The following EP300 variants were observed in gnomAD, a reference collection of about 807,000 sequenced individuals.
EP300 encodes the protein EP300 lysine acetyltransferase, also known as histone acetyltransferase p300.
A neutral mutation model predicts 264.0 loss-of-function variants in EP300; 31 were observed. The ratio of observed to expected loss-of-function variants is 0.12; its 90% confidence interval spans 0.09 to 0.16. The LOEUF is 0.16. EP300 is among the 10% of genes least tolerant of loss of function. EP300 has a pLI of 1.00. For synonymous variants in EP300, 1,340 were observed against 1,045.4 expected, an observed-to-expected ratio of 1.28 and a Z score of -5.44; for missense variants, 2,766 against 3,052.9, an observed-to-expected ratio of 0.91 and a Z score of 2.21.
intron 8 of EP300, among the ~76,000 whole-genome samples, chr22:41,139,717 C>A (rs1237653756): frequency 6.6e-6 from 1 of 152,074 alleles, no homozygotes; most frequent in Non-Finnish European, 1.5e-5. Context: ...TTTTTATAAG[C>A]CTTTGTCAGA....
intron 4 of EP300, 114 bp downstream of exon 4, chr22:41,127,862 G>T (rs2058892063): frequency 7.4e-7 from 1 of 1,354,374 alleles, no homozygotes; most frequent in Non-Finnish European, 1.0e-6. Flanking sequence ...CTTAATTGTG[G>T]TGATGGTGTC....
At position 41,178,815 on chromosome 22, in the gene EP300, C is replaced by G. The variant is rs1283783047; in HGVS notation, c.7104C>G (p.Asp2368Glu). Residue 2368 changes from aspartate to glutamate, a missense_variant, in exon 31 of 31, where the codon GAC becomes GAG. Transcript: ENST00000263253. ...AACAAGGGCATTTTGCCAGCCCGGA[C>G]CAGAATTCAATGCTTTCTCAGCTTG... is the stretch of plus-strand genomic sequence containing the variant. The part of the protein sequence containing the change: ...PMEQGHFASP[D>E]QNSMLSQLAS... The G allele has an allele frequency of 2.3e-5, 37 of 1,614,174 alleles. No individual in the cohort carries two copies. The highest frequency in any genetic ancestry group is 3.1e-5 in the Non-Finnish European group (37 of 1,180,036).
At chr22:41,128,300 A>G (rs1356121934) in intron 4 of EP300, among the ~76,000 whole-genome samples, 1 of 152,094 alleles carries the variant, frequency 6.6e-6, no homozygotes, top group Non-Finnish European at 1.5e-5. Context: ...ACAAAAAAAT[A>G]CTAAAGAAAA....
chr22:41,175,771 T>C (rs1383284208), intron 29 of EP300, among the ~76,000 whole-genome samples: 1 of 152,264 alleles, frequency 6.6e-6, no homozygotes, highest in East Asian at 1.9e-4. Flanking sequence ...ACCCAGACCA[T>C]TGTTACTCTG....
rs1160588664 is a variant in EP300, at chr22:41,178,840, G to A, written c.7129G>A (p.Ala2377Thr). The stretch of plus-strand genomic sequence containing the variant: ...CCAGAATTCAATGCTTTCTCAGCTT[G>A]CTAGCAATCCAGGCATGGCAAACCT... ...PDQNSMLSQL[A>T]SNPGMANLHG... The change falls in exon 31 of 31, where the codon GCT (alanine) becomes ACT (threonine). Residue 2377 changes from alanine to threonine, a missense_variant. By Grantham distance (58) the Ala-to-Thr change is moderately conservative. Transcript: ENST00000263253. 1 of 1,614,180 alleles carries A rather than the reference G, an allele frequency of 6.2e-7. No homozygotes were observed. The highest frequency in any genetic ancestry group is 1.7e-5 in the Admixed American group (1 of 60,022).
In EP300 at chr22:41,179,077, A is replaced by G. The variant is rs2059223582; in HGVS notation, c.*121A>G. The G allele has an allele frequency of 1.8e-6, 2 of 1,138,486 alleles. No homozygotes were observed. Among genetic ancestry groups the G allele is most frequent in the Admixed American group, 2.1e-5 (1 of 46,598 alleles). 70.5% of individuals were successfully genotyped at this position (1,138,486 alleles called of 1,614,324 possible). ...AAGACAATTTTCCTTGGAACACATA[A>G]GAACTGTGCAGTAGCCGTTTGTGGT... On this transcript the variant is annotated 3_prime_UTR_variant, in exon 31 of 31. Transcript: ENST00000263253.
At chr22:41,135,135 C>G (rs888081181) in intron 6 of EP300, among the ~76,000 whole-genome samples, 2 of 152,080 alleles carry the variant, frequency 1.3e-5, no homozygotes, top group Non-Finnish European at 1.5e-5. Context: ...CTGCTGACTT[C>G]GTGATCCGCC....
chr22:41,155,226 GA>G, intron 17 of EP300, 113 bp downstream of exon 17: 1 of 951,812 alleles, frequency 1.1e-6, no homozygotes. Context: ...GTAATTCAGT[GA>G]TTTTTTTTTT....
Position 41,155,013 on chromosome 22 carries a change from T to C in EP300, c.3161T>C (p.Leu1054Pro). Residue 1054 changes from leucine (L) to proline (P), a missense_variant, in exon 17 of 31, where the codon CTA becomes CCA. Coordinates refer to ENST00000263253, the MANE Select transcript of EP300 (RefSeq NM_001429.4). ...TTTTAAGTTTTCAAACCAGAAGAAC[T>C]ACGACAGGCACTGATGCCAACTTTG... is the stretch of plus-strand genomic sequence containing the variant. ...SKKKIFKPEE[L>P]RQALMPTLEA... 6.2e-7 allele frequency: 1 copy of C among 1,613,230 alleles called. No homozygotes were observed. Among genetic ancestry groups the C allele is most frequent in the Non-Finnish European group, 8.5e-7 (1 of 1,179,200 alleles).
Position 41,178,754 on chromosome 22 carries a change from A to G in EP300, c.7043A>G (p.His2348Arg), listed in dbSNP as rs1414772517. ...HHVSPQTSSP[H>R]PGLVAAQANP... is the part of the protein sequence containing the mutation. Reference sequence around the variant, plus strand: ...GTTTCCCCACAGACAAGTTCCCCACATCCTGGACTGGTAGCTGCCCAGGCC... The same window carrying G: ...GTTTCCCCACAGACAAGTTCCCCACGTCCTGGACTGGTAGCTGCCCAGGCC... Residue 2348 changes from histidine (H) to arginine (R), a missense_variant, in exon 31 of 31, where the codon CAT becomes CGT. Coordinates refer to ENST00000263253, the MANE Select transcript of EP300 (RefSeq NM_001429.4). The G allele has an allele frequency of 1.9e-6, 3 of 1,614,044 alleles. No homozygotes were observed. The highest frequency in any genetic ancestry group is 4.5e-5 in the East Asian group (2 of 44,866).
chr22:41,155,754 T>C (rs1001955100), intron 17 of EP300, among the ~76,000 whole-genome samples: 2 of 152,242 alleles, frequency 1.3e-5, no homozygotes, highest in African/African-American at 4.8e-5. Flanking sequence ...AGGACGTTCC[T>C]TAGCATAATG....
Position 41,136,457 on chromosome 22 carries a change from C to T in EP300, c.1622+551C>T, listed in dbSNP as rs1185991973. Among the ~76,000 whole-genome samples, 6 of 152,170 alleles carry T rather than the reference C, an allele frequency of 3.9e-5. No individual in the cohort carries two copies. The East Asian group carries it at 9.6e-4, about 24-fold the overall frequency. ...CCTTATCCTGATGTTAAGAATTAGT[C>T]CACCAGCCTGGGCAATATGTCAAGA... On this transcript the variant is annotated intron_variant, in intron 7 of 30. Transcript: ENST00000263253.
chr22:41,136,977 T>C (rs1480477725), intron 7 of EP300, among the ~76,000 whole-genome samples: 1 of 151,992 alleles, frequency 6.6e-6, no homozygotes, highest in African/African-American at 2.4e-5. Context: ...GGAGAATCGC[T>C]TGAACCCCGG....
chr22:41,126,761 T>TTTTTTTG (rs2058885138), intron 3 of EP300, among the ~76,000 whole-genome samples: 2 of 110,666 alleles, frequency 1.8e-5, no homozygotes, highest in African/African-American at 3.5e-5. Context: ...TTTTTTTTTT[T>TTTTTTTG]GAGACGGAGT....
chr22:41,164,475 G>A (rs1268221314), intron 22 of EP300, among the ~76,000 whole-genome samples: 2 of 152,172 alleles, frequency 1.3e-5, no homozygotes, highest in East Asian at 1.9e-4. Context: ...ACTTTGGGAG[G>A]CCGAGGCGGG....
At chr22:41,126,729 C>CTTTT (rs71328775) in intron 3 of EP300, among the ~76,000 whole-genome samples, 870 of 48,822 alleles carry the variant, frequency 0.018, 171 homozygotes, top group South Asian at 0.025. Flanking sequence ...GAAATGTTCA[C>CTTTT]TTTTTTTTTT....
chr22:41,161,245 T>C (rs2059106358), intron 20 of EP300, among the ~76,000 whole-genome samples: 1 of 152,236 alleles, frequency 6.6e-6, no homozygotes, highest in Non-Finnish European at 1.5e-5. Flanking sequence ...TTTAAGAGAT[T>C]TGCTTGTGCT....
At position 41,178,364 on chromosome 22, in the gene EP300, G is replaced by A; in HGVS notation, c.6653G>A (p.Gly2218Asp). The stretch of plus-strand genomic sequence containing the variant: ...CAGTTCCAGCAACCCCAAGGAGTTG[G>A]CTACCCACCACAGCAGCAGCAGCGG... Reference protein sequence around the residue: ...HNQFQQPQGVGYPPQQQQRMQ... With the variant: ...HNQFQQPQGVDYPPQQQQRMQ... The change falls in exon 31 of 31, where the codon GGC becomes GAC. Residue 2218 changes from glycine (G) to aspartate (D), a missense_variant. Transcript: ENST00000263253. 6.2e-7 allele frequency: 1 copy of A among 1,614,122 alleles called. No individual in the cohort carries two copies. Among genetic ancestry groups the A allele is most frequent in the South Asian group, 1.1e-5 (1 of 91,076 alleles).
chr22:41,179,528 A>ATGTT lies in EP300; in HGVS notation c.*574_*577dup, dbSNP rs1053359267. The ATGTT allele has an allele frequency of 1.8e-5, 3 of 170,548 alleles. No homozygotes were observed. Among genetic ancestry groups the ATGTT allele is most frequent in the African/African-American group, 7.6e-5 (3 of 39,502 alleles). The allele number at this position is 170,548 out of a possible 1,614,324, so 10.6% of individuals were successfully genotyped here. On this transcript the variant is annotated 3_prime_UTR_variant, in exon 31 of 31. Coordinates refer to ENST00000263253, the MANE Select transcript of EP300 (RefSeq NM_001429.4). ...GCAAAGATGTTCATTCTTTTAAAAAATGTTTAAAAAAAAAAAAAAACTGCC... is the reference window on the plus strand; with the variant it reads ...GCAAAGATGTTCATTCTTTTAAAAAATGTTTGTTTAAAAAAAAAAAAAAACTGCC...
Sources: gnomAD v4.1 joint callset for allele counts (sites outside exome capture counted in the v4.1 genomes callset) on GRCh38, gnomAD v4.1.1 for gene constraint, MANE v1.5 for transcripts, NCBI Gene and HGNC (gene_info 2026-07-23, HGNC 2026-07-21) for gene names.